The following GABRA3 variants were observed in gnomAD, a reference collection of about 807,000 sequenced individuals.
The protein encoded by GABRA3 is gamma-aminobutyric acid type A receptor subunit alpha3.
Under a neutral mutation model 30.1 loss-of-function variants are expected in GABRA3, and 10 were observed. That is an observed-to-expected ratio of 0.33 (90% confidence interval 0.20 to 0.56). GABRA3 has a LOEUF of 0.56. Ranked by LOEUF, GABRA3 falls within the 20% of genes least tolerant of loss-of-function variation. The pLI, the probability that GABRA3 is intolerant of heterozygous loss-of-function variation, is 0.89. For synonymous variants in GABRA3, 151 were observed against 146.8 expected (o/e 1.03, Z -0.21); for missense variants, 233 against 392.0 (o/e 0.59, Z 3.42).
chrX:152,182,049 C>A (rs1185226121), intron 9 of GABRA3, among the ~76,000 whole-genome samples: 1 of 109,366 alleles, frequency 9.1e-6, no homozygotes, highest in Non-Finnish European at 1.9e-5. Context: ...TCATATATGG[C>A]CTTTATTGTG....
At chrX:152,181,895 GC>G (rs1472489372) in intron 9 of GABRA3, among the ~76,000 whole-genome samples, 2 of 110,956 alleles carry the variant, frequency 1.8e-5, no homozygotes, top group Non-Finnish European at 3.8e-5. Flanking sequence ...CAATTTGGAT[GC>G]CCTTTATTTC....
At chrX:152,365,695 T>C (rs766724954) in intron 1 of GABRA3, among the ~76,000 whole-genome samples, 10 of 111,311 alleles carry the variant, frequency 9.0e-5, no homozygotes, top group African/African-American at 3.3e-4. Flanking sequence ...AAGAGACCAA[T>C]ATGTAAAACA....
chrX:152,196,632 A>T lies in GABRA3; in HGVS notation c.931+1001T>A, dbSNP rs1361157747. ...AGAACTGTTCTTCTCAAGATCCCTA[A>T]CAGCCAAGTATATCACAATACCCAA... On this transcript the variant is annotated intron_variant, in intron 8 of 9. Transcript: ENST00000370314. Among the ~76,000 whole-genome samples, 9 of 111,153 alleles carry T rather than the reference A, an allele frequency of 8.1e-5. No individual in the cohort carries two copies. The East Asian group carries it at 2.6e-3, about 32-fold the overall frequency.
chrX:152,244,480 A>T (rs971398368), intron 5 of GABRA3, among the ~76,000 whole-genome samples: 1 of 111,946 alleles, frequency 8.9e-6, no homozygotes, highest in Non-Finnish European at 1.9e-5. Context: ...CACAGCAAAA[A>T]GTTGCCATAT....
chrX:152,431,889 A>G (rs1930658350), intron 1 of GABRA3, among the ~76,000 whole-genome samples: 1 of 111,772 alleles, frequency 8.9e-6, no homozygotes, highest in African/African-American at 3.3e-5. Flanking sequence ...AGAGCTTCCA[A>G]AAAGGAACAC....
intron 1 of GABRA3, among the ~76,000 whole-genome samples, chrX:152,421,669 TATAAAGAATTATAAATCA>T (rs1316839721): frequency 9.0e-6 from 1 of 111,619 alleles, no homozygotes; most frequent in African/African-American, 3.2e-5. Flanking sequence ...GTATTCAGAA[TATAAAGAATTATAAATCA>T]GTAAAAAGCA....
chrX:152,314,476 T>C (rs1192605305), intron 3 of GABRA3, among the ~76,000 whole-genome samples: 2 of 112,521 alleles, frequency 1.8e-5, no homozygotes, highest in Non-Finnish European at 1.9e-5. Context: ...ATAACATAAT[T>C]TGAATAAAAC....
At chrX:152,322,008 C>T (rs1939972023) in intron 3 of GABRA3, among the ~76,000 whole-genome samples, 1 of 111,949 alleles carries the variant, frequency 8.9e-6, no homozygotes, top group African/African-American at 3.2e-5. Flanking sequence ...AACCTGAAAA[C>T]AGGTGTTCAA....
At chrX:152,199,320 C>T (rs1398448348) in intron 7 of GABRA3, among the ~76,000 whole-genome samples, 5 of 103,437 alleles carry the variant, frequency 4.8e-5, no homozygotes, top group East Asian at 6.0e-4. Flanking sequence ...GAGCCAAGGT[C>T]GTGCCACTGC....
chrX:152,356,316 T>C (rs1227074093), intron 2 of GABRA3, among the ~76,000 whole-genome samples: 1 of 112,213 alleles, frequency 8.9e-6, no homozygotes, highest in African/African-American at 3.2e-5. Flanking sequence ...CCACTGTTGA[T>C]TGTTAAAATG....
intron 3 of GABRA3, among the ~76,000 whole-genome samples, chrX:152,341,792 G>A (rs903752806): frequency 9.1e-6 from 1 of 110,300 alleles, no homozygotes; most frequent in South Asian, 3.9e-4. Context: ...TACCTGCCTC[G>A]GCCTCCAAAA....
intron 3 of GABRA3, among the ~76,000 whole-genome samples, chrX:152,287,777 CT>C (rs1015372912): frequency 1.8e-5 from 2 of 109,825 alleles, no homozygotes; most frequent in Non-Finnish European, 3.8e-5. Context: ...TCTTCTATTT[CT>C]TTTTTTTCTT....
chrX:152,327,077 T>G (rs979652118), intron 3 of GABRA3, among the ~76,000 whole-genome samples: 3 of 108,612 alleles, frequency 2.8e-5, no homozygotes, highest in South Asian at 4.0e-4. Context: ...AAACAGACTT[T>G]AAACCAACAA....
chrX:152,410,417 T>C (rs1930040731), intron 1 of GABRA3, among the ~76,000 whole-genome samples: 2 of 111,507 alleles, frequency 1.8e-5, no homozygotes, highest in African/African-American at 6.5e-5. Flanking sequence ...AGGTGATGGG[T>C]ACCCCAATTA....
chrX:152,397,763 T>A (rs994840863), intron 1 of GABRA3, among the ~76,000 whole-genome samples: 1 of 112,033 alleles, frequency 8.9e-6, no homozygotes, highest in African/African-American at 3.2e-5. Context: ...TTATTATGTC[T>A]CTTCAACTTC....
At chrX:152,357,991 C>T (rs1164710069) in intron 2 of GABRA3, among the ~76,000 whole-genome samples, 2 of 111,455 alleles carry the variant, frequency 1.8e-5, no homozygotes, top group Non-Finnish European at 1.9e-5. Context: ...AGTGTGATGT[C>T]TCTAGCTTTG....
intron 5 of GABRA3, among the ~76,000 whole-genome samples, chrX:152,237,370 C>A (rs1304581889): frequency 9.4e-6 from 1 of 106,647 alleles, no homozygotes; most frequent in African/African-American, 3.5e-5. Context: ...TGTTTTGGTA[C>A]CAGTACCATG....
chrX:152,345,038 A>T (rs777883265), intron 3 of GABRA3, among the ~76,000 whole-genome samples: 1 of 111,898 alleles, frequency 8.9e-6, no homozygotes, highest in East Asian at 2.8e-4. Context: ...AAGATCTCAC[A>T]TAGCCAGTAG....
chrX:152,249,309 A>G (rs1359527353), intron 5 of GABRA3, among the ~76,000 whole-genome samples: 1 of 111,610 alleles, frequency 9.0e-6, no homozygotes, highest in Admixed American at 9.5e-5. Flanking sequence ...AACATATTGT[A>G]TGCCCACAAT....
Sources: allele counts gnomAD v4.1 joint callset (sites outside exome capture counted in the v4.1 genomes callset), GRCh38; gene constraint gnomAD v4.1.1; transcripts MANE v1.5; gene names NCBI Gene and HGNC (gene_info 2026-07-23, HGNC 2026-07-21).